Variants in CIT observed in about 807,000 individuals in gnomAD.
The protein encoded by CIT is citron rho-interacting serine/threonine kinase, also known as citron Rho-interacting kinase.
In CIT, 79 loss-of-function variants were observed where a neutral mutation model predicts 272.7. The observed-to-expected ratio is 0.29, with a 90% CI of 0.24 to 0.35. The LOEUF (loss-of-function observed/expected upper bound fraction) is 0.35, where lower values mean the gene tolerates loss of function less well. CIT is among the 10% of genes least tolerant of loss of function. CIT has a pLI of 1.00. For missense variants in CIT, 1,909 were observed against 2,618.3 expected, an observed-to-expected ratio of 0.73 and a Z score of 5.91; for synonymous variants, 948 against 995.6, an observed-to-expected ratio of 0.95 and a Z score of 0.90.
At chr12:119,843,839 A>G (rs1969589573) in intron 5 of CIT, among the ~76,000 whole-genome samples, 2 of 151,912 alleles carry the variant, frequency 1.3e-5, no homozygotes, top group Admixed American at 1.3e-4. Context: ...CTGCCAAGGG[A>G]GCGTGATATG....
Position 119,721,348 on chromosome 12 carries a change from T to C in CIT, c.3693A>G (p.Thr1231=). 1 of 1,609,074 alleles carries C rather than the reference T, an allele frequency of 6.2e-7. No individual in the cohort carries two copies. The highest frequency in any genetic ancestry group is 1.1e-5 in the South Asian group (1 of 90,826). ...GCTGATACTCCAAGTCACTTCTTTCTGTCTTCAGTAGATCAGCCCGATCTA... is the reference window on the plus strand; with the variant it reads ...GCTGATACTCCAAGTCACTTCTTTCCGTCTTCAGTAGATCAGCCCGATCTA... The part of the protein sequence containing the change: ...EALDRADLLK[T]ERSDLEYQLE... Residue 1231 remains threonine (T), a synonymous_variant, in exon 29 of 48, where the codon ACA becomes ACG. Coordinates refer to ENST00000392521, the MANE Select transcript of CIT (RefSeq NM_001206999.2).
intron 7 of CIT, among the ~76,000 whole-genome samples, chr12:119,831,727 G>C (rs1041487805): frequency 7.2e-5 from 11 of 152,236 alleles, no homozygotes; most frequent in Non-Finnish European, 1.6e-4. Context: ...AAATTAGCTG[G>C]GCATGGTGGC....
At chr12:119,827,676 ATC>A (rs1418345946) in intron 7 of CIT, among the ~76,000 whole-genome samples, 7 of 152,262 alleles carry the variant, frequency 4.6e-5, no homozygotes, top group African/African-American at 1.7e-4. Context: ...TGACCTCGTG[ATC>A]CACCCATCTT....
At chr12:119,778,642 G>GCCC (rs143634844) in intron 13 of CIT, among the ~76,000 whole-genome samples, 5 of 149,234 alleles carry the variant, frequency 3.4e-5, no homozygotes, top group African/African-American at 1.2e-4. Context: ...AGCAGGTGAC[G>GCCC]CCCCCCCCCC....
intron 24 of CIT, among the ~76,000 whole-genome samples, chr12:119,736,236 G>A (rs1452423953): frequency 1.3e-5 from 2 of 151,812 alleles, no homozygotes; most frequent in African/African-American, 4.9e-5. Flanking sequence ...TAAATTTTAC[G>A]TAACAAAAAG....
intron 16 of CIT, 78 bp from the exon 17 acceptor site, chr12:119,772,988 T>C (rs1365670673): frequency 8.0e-7 from 1 of 1,244,020 alleles, no homozygotes; most frequent in African/African-American, 1.6e-5. Flanking sequence ...GTTCTGCACA[T>C]GTATCCCAGA....
intron 26 of CIT, among the ~76,000 whole-genome samples, chr12:119,733,517 G>A (rs1326289536): frequency 1.4e-5 from 2 of 142,520 alleles, no homozygotes; most frequent in African/African-American, 5.5e-5. Flanking sequence ...CTGGGTGACA[G>A]AGACTCTGTC....
rs770235122 is a variant in CIT at position 119,776,684 on chromosome 12, A to T, written c.1824T>A (p.His608Gln). 1 of 1,613,744 alleles carries T rather than the reference A, an allele frequency of 6.2e-7. No individual in the cohort carries two copies. The highest frequency in any genetic ancestry group is 8.5e-7 in the Non-Finnish European group (1 of 1,179,926). Residue 608 changes from histidine (H) to glutamine (Q), a missense_variant, in exon 14 of 48, where the codon CAT becomes CAA. Physicochemically the swap from His to Gln is conservative, Grantham distance 24 (BLOSUM62 0). Transcript: ENST00000392521. ...GGTGGCTGACTACCTTCAACAGTTT[A>T]TGCTGACATTCTGTCGCTTTCCGCT... ...EFKRKATECQ[H>Q]KLLKAKDQGK...
intron 18 of CIT, 55 bp from the exon 19 acceptor site, chr12:119,767,237 C>T (rs983915516): frequency 1.2e-5 from 16 of 1,288,406 alleles, no homozygotes; most frequent in Admixed American, 1.2e-4. Flanking sequence ...ACCGCCAATG[C>T]ACGTTAGACA....
intron 3 of CIT, among the ~76,000 whole-genome samples, chr12:119,858,201 T>C (rs1169843321): frequency 6.6e-6 from 1 of 152,106 alleles, no homozygotes. Context: ...CCTTCGTAGA[T>C]CTAATATGTG....
Position 119,690,128 on chromosome 12 carries a change from C to T in CIT, c.6186+23G>A, listed in dbSNP as rs1167660287. ...ACTCCTGGCCTCCGCAACAGACACACAGGCCTCGGAATGCTGCCTCACCTT... is the reference window on the plus strand; with the variant it reads ...ACTCCTGGCCTCCGCAACAGACACATAGGCCTCGGAATGCTGCCTCACCTT... On this transcript the variant is annotated intron_variant, in intron 47 of 47. Coordinates refer to ENST00000392521, the MANE Select transcript of CIT (RefSeq NM_001206999.2). This position sits in a 1 kb window ranked among gnomAD's most constrained non-coding sequence, Gnocchi z 6.0. 3 of 1,448,734 alleles carry T rather than the reference C, an allele frequency of 2.1e-6. No individual in the cohort carries two copies. Among genetic ancestry groups the T allele is most frequent in the Admixed American group, 2.7e-5 (1 of 36,746 alleles). The allele number at this position is 1,448,734 out of a possible 1,614,324, so 89.7% of individuals were successfully genotyped here.
chr12:119,762,228 A>T, intron 19 of CIT, among the ~76,000 whole-genome samples: 1 of 152,186 alleles, frequency 6.6e-6, no homozygotes, highest in East Asian at 1.9e-4. Flanking sequence ...AGGTCTTTAA[A>T]CTAGAACTGA....
intron 16 of CIT, among the ~76,000 whole-genome samples, chr12:119,774,767 G>A (rs1963571242): frequency 6.6e-6 from 1 of 152,110 alleles, no homozygotes; most frequent in South Asian, 2.1e-4. Context: ...GAGTCCAGGT[G>A]TTTGAGACCA....
At chr12:119,788,279 G>A (rs1964987543) in intron 10 of CIT, among the ~76,000 whole-genome samples, 1 of 152,152 alleles carries the variant, frequency 6.6e-6, no homozygotes, top group South Asian at 2.1e-4. Context: ...AAGATGAAAT[G>A]CTTGGCATGG....
At chr12:119,735,749 C>T (rs144442760) in intron 24 of CIT, among the ~76,000 whole-genome samples, 124 of 152,310 alleles carry the variant, frequency 8.1e-4, no homozygotes, top group African/African-American at 2.9e-3. Context: ...GCCCATGACA[C>T]TATCACTAGG....
chr12:119,721,013 C>A lies in CIT; in HGVS notation c.3732+296G>T, dbSNP rs183342827. ...ACAAAGTCTTGCTCTGTTGCCCGGG[C>A]TGGAGTGCAGTGGTGTGATCTCAGC... On this transcript the variant is annotated intron_variant, in intron 29 of 47. Transcript: ENST00000392521. 4.6e-5 allele frequency among the ~76,000 whole-genome samples: 7 copies of A among 152,302 alleles called. No homozygotes were observed. The East Asian group carries it at 1.2e-3, about 25-fold the overall frequency.
chr12:119,701,048 AAG>A (rs1228624793), intron 43 of CIT: 6 of 270,542 alleles, frequency 2.2e-5, no homozygotes, highest in Non-Finnish European at 3.4e-5. Context: ...TTATTAAAGA[AAG>A]AGAACTCAAG....
intron 13 of CIT, among the ~76,000 whole-genome samples, chr12:119,777,687 C>CA (rs571856792): frequency 0.011 from 1,459 of 138,672 alleles, 19 homozygotes; most frequent in African/African-American, 0.035. Context: ...CAAAAAAAAA[C>CA]AAAAAAAAAC....
rs144475221 is a variant in CIT at position 119,698,315 on chromosome 12, C to T, written c.5624-261G>A. On this transcript the variant is annotated intron_variant, in intron 44 of 47. Transcript: ENST00000392521. Reference sequence around the variant, plus strand: ...ATACATTATAATACATCTGGCTGGGCGTGGTGGCTCACGCCTGTAATCCCA... The same window carrying T: ...ATACATTATAATACATCTGGCTGGGTGTGGTGGCTCACGCCTGTAATCCCA... The T allele has an allele frequency of 1.4e-3, 609 of 437,548 alleles. 4 individuals carry two copies. The highest frequency in any genetic ancestry group is 0.011 in the African/African-American group (544 of 50,492). 27.1% of individuals were successfully genotyped at this position (437,548 alleles called of 1,614,324 possible). A position where few individuals can be genotyped will look rare whatever the true frequency, so the allele number is the denominator to read the frequency against.
Sources: gnomAD v4.1 joint callset for allele counts (sites outside exome capture counted in the v4.1 genomes callset) on GRCh38, gnomAD v4.1.1 for gene constraint, Gnocchi (gnomAD v3.1) non-coding constraint, MANE v1.5 for transcripts, NCBI Gene and HGNC (gene_info 2026-07-23, HGNC 2026-07-21) for gene names.